The following CUX2 variants were observed in gnomAD, a reference collection of about 807,000 sequenced individuals.
CUX2 encodes the protein cut like homeobox 2, also known as homeobox protein cut-like 2.
Under a neutral mutation model 144.8 loss-of-function variants are expected in CUX2, and 40 were observed. That is an observed-to-expected ratio of 0.28 (90% CI 0.21 to 0.36). CUX2 has a LOEUF of 0.36. Ranked by LOEUF, CUX2 falls within the 10% of genes least tolerant of loss-of-function variation. The pLI, the probability that CUX2 is intolerant of heterozygous loss-of-function variation, is 1.00. For synonymous variants in CUX2, 827 were observed against 875.6 expected (o/e 0.94, Z 0.98); for missense variants, 1,615 against 1,994.0 (o/e 0.81, Z 3.62).
chr12:111,294,919 C>T (rs1378977812), intron 6 of CUX2, among the ~76,000 whole-genome samples: 1 of 151,934 alleles, frequency 6.6e-6, no homozygotes, highest in Non-Finnish European at 1.5e-5. Context: ...AAAAAGAAAA[C>T]GGAGGAAATA....
At chr12:111,056,649 T>C (rs1195209778) in intron 1 of CUX2, among the ~76,000 whole-genome samples, 4 of 152,198 alleles carry the variant, frequency 2.6e-5, no homozygotes, top group Non-Finnish European at 4.4e-5. Flanking sequence ...ACTCTGCTGA[T>C]TGGGGCAGTA....
chr12:111,258,520 A>C (rs1883949655), intron 3 of CUX2, among the ~76,000 whole-genome samples: 1 of 151,848 alleles, frequency 6.6e-6, no homozygotes, highest in South Asian at 2.1e-4. Context: ...CTCAAAAAAA[A>C]AAAAAAAAAA....
chr12:111,320,160 G>A lies in CUX2; in HGVS notation c.2151G>A (p.Ala717=), dbSNP rs770133219. Residue 717 remains alanine (A), a synonymous_variant, in exon 17 of 22, where the codon GCG becomes GCA. Transcript: ENST00000261726. This position sits in a 1 kb window ranked among gnomAD's most constrained non-coding sequence, Gnocchi z 8.1. ...AGGCGCTGCTGGAGATGGAGGTGGC[G>A]CCCAGGGGCCGCTCGGTGCCCCCCT... The part of the protein sequence containing the change: ...QQQALLEMEV[A]PRGRSVPPSP... 3.2e-6 allele frequency: 5 copies of A among 1,542,474 alleles called. No individual in the cohort carries two copies. Among genetic ancestry groups the A allele is most frequent in the Admixed American group, 4.0e-5 (2 of 50,322 alleles).
chr12:111,260,332 C>T (rs544281867), intron 3 of CUX2, among the ~76,000 whole-genome samples: 71 of 147,086 alleles, frequency 4.8e-4, no homozygotes, highest in Non-Finnish European at 8.4e-4. Flanking sequence ...GGCATGGTGG[C>T]GGGCGCCTGT....
chr12:111,214,061 T>C (rs1166993086), intron 1 of CUX2, 139 bp from the exon 2 acceptor site: 1 of 434,146 alleles, frequency 2.3e-6, no homozygotes. Context: ...CAGGAGTCAA[T>C]ATCCTGTCTT....
At chr12:111,330,710 T>TACATAC (rs1257830853) in intron 18 of CUX2, among the ~76,000 whole-genome samples, 3 of 23,838 alleles carry the variant, frequency 1.3e-4, no homozygotes, top group African/African-American at 5.3e-4. Flanking sequence ...TATATATATA[T>TACATAC]ATATATATAT....
chr12:111,186,570 A>G lies in CUX2; in HGVS notation c.64-27630A>G, dbSNP rs1879544498. ...GGACCCATGGTTGCTGAGAGAGAGA[A>G]GGGCGACTCTGTGGCGTGAGGCTCG... On this transcript the variant is annotated intron_variant, in intron 1 of 21. Coordinates refer to ENST00000261726, the MANE Select transcript of CUX2 (RefSeq NM_015267.4). This position sits in a 1 kb window ranked among gnomAD's most constrained non-coding sequence, Gnocchi z 4.4. Among the ~76,000 whole-genome samples the G allele has an allele frequency of 2.0e-5, 3 of 152,150 alleles. No homozygotes were observed. The South Asian group carries it at 6.2e-4, about 32-fold the overall frequency.
intron 1 of CUX2, among the ~76,000 whole-genome samples, chr12:111,100,967 A>G (rs1873196214): frequency 6.6e-6 from 1 of 152,166 alleles, no homozygotes. Context: ...AGAGCCTGGA[A>G]AACCCTCCCC....
intron 3 of CUX2, among the ~76,000 whole-genome samples, chr12:111,259,388 C>T (rs1275689193): frequency 4.6e-5 from 7 of 152,062 alleles, no homozygotes; most frequent in African/African-American, 1.7e-4. Flanking sequence ...GCCATAGACA[C>T]GTAAAACAGT....
intron 1 of CUX2, among the ~76,000 whole-genome samples, chr12:111,167,808 C>T (rs542153399): frequency 2.5e-3 from 376 of 152,246 alleles, no homozygotes; most frequent in Middle Eastern, 6.8e-3. Flanking sequence ...GATTCTCATG[C>T]CTCAGCCTTC....
In CUX2 at chr12:111,347,540, G is replaced by T; in HGVS notation, c.3676G>T (p.Glu1226Ter). The T allele has an allele frequency of 6.2e-7, 1 of 1,602,616 alleles. No homozygotes were observed. Among genetic ancestry groups the T allele is most frequent in the Admixed American group, 1.7e-5 (1 of 58,540 alleles). ...FHNYRSRMRR[E>*]MLVEGTQDEP... ...CTGCCCCAGGTCCCGGATGCGCCGG[G>T]AGATGTTGGTGGAGGGGACCCAGGA... Residue 1226 changes from glutamate to a stop codon, truncating the protein, a stop_gained, in exon 22 of 22, where the codon GAG (glutamate) becomes TAG (stop). Coordinates refer to ENST00000261726, the MANE Select transcript of CUX2 (RefSeq NM_015267.4). LOFTEE classifies it low-confidence loss of function (END_TRUNC).
At chr12:111,327,094 TC>T (rs1486932012) in intron 18 of CUX2, among the ~76,000 whole-genome samples, 1 of 152,062 alleles carries the variant, frequency 6.6e-6, no homozygotes, top group African/African-American at 2.4e-5. Flanking sequence ...CCATCCTCCT[TC>T]CCCCCAGCTC....
At chr12:111,050,384 G>T (rs1870206814) in intron 1 of CUX2, among the ~76,000 whole-genome samples, 1 of 151,950 alleles carries the variant, frequency 6.6e-6, no homozygotes, top group Admixed American at 6.6e-5. Flanking sequence ...CCTGCCTCTG[G>T]GTGTCAAACC....
intron 1 of CUX2, among the ~76,000 whole-genome samples, chr12:111,123,001 GA>G (rs1469250280): frequency 1.3e-5 from 2 of 152,202 alleles, no homozygotes; most frequent in Admixed American, 1.3e-4. Context: ...TAATGGGCAG[GA>G]AATGTTTGAT....
chr12:111,187,837 G>C (rs1172430182), intron 1 of CUX2, among the ~76,000 whole-genome samples: 1 of 152,204 alleles, frequency 6.6e-6, no homozygotes, highest in Non-Finnish European at 1.5e-5. Context: ...GGGTGATGGG[G>C]CTGAGAATGG....
intron 17 of CUX2, among the ~76,000 whole-genome samples, chr12:111,321,840 G>A (rs572132965): frequency 2.0e-5 from 3 of 152,232 alleles, no homozygotes; most frequent in South Asian, 2.1e-4. Flanking sequence ...AGGCAAGCTC[G>A]GAGGAGGGAG....
At chr12:111,279,101 A>C (rs1885008352) in intron 4 of CUX2, among the ~76,000 whole-genome samples, 1 of 152,208 alleles carries the variant, frequency 6.6e-6, no homozygotes, top group Non-Finnish European at 1.5e-5. Flanking sequence ...TGATCATCGT[A>C]GCTGTGTACT....
At chr12:111,090,333 G>A (rs1487790466) in intron 1 of CUX2, among the ~76,000 whole-genome samples, 2 of 152,116 alleles carry the variant, frequency 1.3e-5, no homozygotes, top group African/African-American at 4.8e-5. Context: ...GCATGATCTC[G>A]GTTCACTGCA....
At chr12:111,265,497 A>C (rs749473940) in intron 4 of CUX2, among the ~76,000 whole-genome samples, 89 of 151,834 alleles carry the variant, frequency 5.9e-4, no homozygotes, top group Admixed American at 1.9e-3. Flanking sequence ...ATGCACCACC[A>C]TTCCCGGCTA....
Sources: allele counts gnomAD v4.1 joint callset (sites outside exome capture counted in the v4.1 genomes callset), GRCh38; gene constraint gnomAD v4.1.1; non-coding constraint Gnocchi (gnomAD v3.1); transcripts MANE v1.5; gene names NCBI Gene and HGNC (gene_info 2026-07-23, HGNC 2026-07-21).